Variants in CRYBG1 observed in about 807,000 individuals in gnomAD.
CRYBG1 encodes beta/gamma crystallin domain-containing protein 1.
Under a neutral mutation model 189.2 loss-of-function variants are expected in CRYBG1, and 139 were observed. The ratio of observed to expected loss-of-function variants is 0.73; its 90% confidence interval spans 0.64 to 0.85. CRYBG1 has a LOEUF of 0.85. CRYBG1 is among the 40% of genes least tolerant of loss of function. The pLI, the probability that CRYBG1 is intolerant of heterozygous loss-of-function variation, is 0.00. For synonymous variants in CRYBG1, 1,023 were observed against 1,017.1 expected (o/e 1.01, Z -0.11); for missense variants, 2,611 against 2,675.8 (o/e 0.98, Z 0.53).
intron 1 of CRYBG1, among the ~76,000 whole-genome samples, chr6:106,387,697 A>G (rs369379338): frequency 1.3e-5 from 2 of 152,250 alleles, no homozygotes; most frequent in East Asian, 3.9e-4. Context: ...GAGGGTAGGA[A>G]ATTTTGTTGT....
In CRYBG1 at chr6:106,512,543, G is replaced by A. The variant is rs763600737; in HGVS notation, c.1426G>A (p.Gly476Arg). 21 of 1,608,016 alleles carry A rather than the reference G, an allele frequency of 1.3e-5. No homozygotes were observed. The Middle Eastern group carries it at 5.0e-4, about 38-fold the overall frequency. Reference protein sequence around the residue: ...KVKSPRAALDGGVASAASPES... With the variant: ...KVKSPRAALDRGVASAASPES... Reference sequence around the variant, plus strand: ...GAAATCTCCGCGGGCAGCCCTCGACGGGGGCGTTGCCTCCGCTGCGAGCCC... The same window carrying A: ...GAAATCTCCGCGGGCAGCCCTCGACAGGGGCGTTGCCTCCGCTGCGAGCCC... Residue 476 changes from glycine to arginine, a missense_variant, in exon 3 of 22, where the codon GGG becomes AGG. Physicochemically the swap from Gly to Arg is moderately radical, Grantham distance 125. Coordinates refer to ENST00000633556, the MANE Select transcript of CRYBG1 (RefSeq NM_001371242.2).
chr6:106,452,834 A>G (rs1771811252), intron 2 of CRYBG1, among the ~76,000 whole-genome samples: 1 of 152,210 alleles, frequency 6.6e-6, no homozygotes, highest in South Asian at 2.1e-4. Context: ...CAGGATGGGA[A>G]AGTAGAATGA....
At chr6:106,364,133 T>C (rs554896822) in intron 1 of CRYBG1, among the ~76,000 whole-genome samples, 31 of 88,626 alleles carry the variant, frequency 3.5e-4, no homozygotes, top group African/African-American at 1.2e-3. Context: ...GAGACCAGCT[T>C]GGCCAACATA....
chr6:106,368,748 G>C (rs1441787753), intron 1 of CRYBG1, among the ~76,000 whole-genome samples: 2 of 152,036 alleles, frequency 1.3e-5, no homozygotes, highest in African/African-American at 2.4e-5. Context: ...CCTCATAACA[G>C]AGACCTAGAT....
At chr6:106,558,977 A>AAAT (rs1158821716) in intron 18 of CRYBG1, among the ~76,000 whole-genome samples, 1 of 152,110 alleles carries the variant, frequency 6.6e-6, no homozygotes, top group Non-Finnish European at 1.5e-5. Context: ...TAAAAAAAAA[A>AAAT]AATTGATCAG....
intron 1 of CRYBG1, among the ~76,000 whole-genome samples, chr6:106,366,056 GC>G (rs1771982091): frequency 6.6e-6 from 1 of 152,092 alleles, no homozygotes; most frequent in Non-Finnish European, 1.5e-5. Context: ...GTTATCTGGA[GC>G]GTTTTTCTTT....
At chr6:106,409,423 A>G (rs906489264) in intron 1 of CRYBG1, among the ~76,000 whole-genome samples, 2 of 152,240 alleles carry the variant, frequency 1.3e-5, no homozygotes, top group Non-Finnish European at 2.9e-5. Context: ...GGAAGAATCA[A>G]TATTGTGAAA....
At chr6:106,435,762 A>T (rs1025828468) in intron 1 of CRYBG1, among the ~76,000 whole-genome samples, 18 of 151,916 alleles carry the variant, frequency 1.2e-4, no homozygotes, top group Non-Finnish European at 2.2e-4. Context: ...TTTTCGTAGA[A>T]ATGGGGTTTC....
intron 2 of CRYBG1, among the ~76,000 whole-genome samples, chr6:106,483,378 GTA>G (rs1554185563): frequency 7.0e-5 from 8 of 113,684 alleles, no homozygotes; most frequent in Non-Finnish European, 1.0e-4. Flanking sequence ...GTGTGTGTGT[GTA>G]TATATATATA....
At position 106,478,965 on chromosome 6, in the gene CRYBG1, G is replaced by T. The variant is rs553726673; in HGVS notation, c.312+27133G>T. Among the ~76,000 whole-genome samples the T allele has an allele frequency of 8.5e-5, 13 of 152,302 alleles. No individual in the cohort carries two copies. The South Asian group carries it at 1.0e-3, about 12-fold the overall frequency. ...GGAAAAGAAACTCAGGGCTTCCACTGGTTCTGAGTGGAATTATACAATGTG... is the reference window on the plus strand; with the variant it reads ...GGAAAAGAAACTCAGGGCTTCCACTTGTTCTGAGTGGAATTATACAATGTG... On this transcript the variant is annotated intron_variant, in intron 2 of 21. Coordinates refer to ENST00000633556, the MANE Select transcript of CRYBG1 (RefSeq NM_001371242.2).
intron 1 of CRYBG1, among the ~76,000 whole-genome samples, chr6:106,394,053 C>T (rs945409535): frequency 2.6e-5 from 4 of 152,116 alleles, no homozygotes; most frequent in South Asian, 2.1e-4. Flanking sequence ...AAAGGGTATA[C>T]GGCCAATACT....
chr6:106,487,361 C>T (rs1772615002), intron 2 of CRYBG1, among the ~76,000 whole-genome samples: 1 of 152,092 alleles, frequency 6.6e-6, no homozygotes, highest in Admixed American at 6.6e-5. Context: ...ATGGATTTAC[C>T]TATATTGGTG....
intron 8 of CRYBG1, among the ~76,000 whole-genome samples, 167 bp downstream of exon 8, chr6:106,530,482 T>C (rs1188642517): frequency 6.6e-6 from 1 of 152,228 alleles, no homozygotes; most frequent in Non-Finnish European, 1.5e-5. Context: ...CTTTTGCACC[T>C]ATGTTATGAT....
intron 1 of CRYBG1, among the ~76,000 whole-genome samples, chr6:106,417,900 TC>T (rs1351288162): frequency 6.6e-6 from 1 of 152,148 alleles, no homozygotes; most frequent in African/African-American, 2.4e-5. Flanking sequence ...CTCTTTTAGT[TC>T]CCCCGTCCAC....
intron 1 of CRYBG1, among the ~76,000 whole-genome samples, chr6:106,378,118 C>T (rs1041802796): frequency 2.0e-5 from 3 of 152,164 alleles, no homozygotes; most frequent in African/African-American, 7.2e-5. Context: ...CCCTGTCACC[C>T]CCCGGTCATC....
chr6:106,468,443 T>C (rs1772156808), intron 2 of CRYBG1, among the ~76,000 whole-genome samples: 1 of 152,228 alleles, frequency 6.6e-6, no homozygotes, highest in Non-Finnish European at 1.5e-5. Context: ...AATTAAACAC[T>C]ATAAATCTAA....
chr6:106,487,838 CTT>C (rs1240026862), intron 2 of CRYBG1, among the ~76,000 whole-genome samples: 1 of 152,072 alleles, frequency 6.6e-6, no homozygotes, highest in Non-Finnish European at 1.5e-5. Context: ...TTAATGGAGA[CTT>C]ATTGTGTTTT....
At chr6:106,387,718 G>A (rs566467216) in intron 1 of CRYBG1, among the ~76,000 whole-genome samples, 2 of 152,278 alleles carry the variant, frequency 1.3e-5, no homozygotes, top group East Asian at 1.9e-4. Flanking sequence ...GGGGAGGGGT[G>A]TCTCTAGCAC....
chr6:106,455,334 T>A (rs1331957381), intron 2 of CRYBG1, among the ~76,000 whole-genome samples: 1 of 152,100 alleles, frequency 6.6e-6, no homozygotes, highest in African/African-American at 2.4e-5. Context: ...TGTAGATTAT[T>A]ATGTGTTTTT....
Sources: allele counts gnomAD v4.1 joint callset (sites outside exome capture counted in the v4.1 genomes callset), GRCh38; gene constraint gnomAD v4.1.1; transcripts MANE v1.5; gene names NCBI Gene and HGNC (gene_info 2026-07-23, HGNC 2026-07-21).